TRPM1: variants seen among roughly 807,000 people sequenced by gnomAD.
TRPM1 encodes the protein TRPM1-203 APA Isoform, Intron 10.
Under a neutral mutation model 149.4 loss-of-function variants are expected in TRPM1, and 113 were observed. The observed-to-expected ratio is 0.76, with a 90% confidence interval of 0.65 to 0.88. TRPM1 has a LOEUF of 0.88. Among genes scored for constraint, TRPM1 ranks in the 40% least tolerant of loss-of-function variants. The probability of loss-of-function intolerance (pLI) is 0.00; values close to 1 mark genes in which losing one functional copy is unlikely to be tolerated. For missense variants in TRPM1, 1,976 were observed against 2,038.7 expected (o/e 0.97, Z 0.59); for synonymous variants, 741 against 759.5 (o/e 0.98, Z 0.40).
At position 31,079,403 on chromosome 15, in the gene TRPM1, G is replaced by A. The variant is rs141045875; in HGVS notation, c.3+1950C>T. ...GAAGGAAGGAAACCTGGAAGGATCC[G>A]TTTCCAGGCTCACTCATGTGGTTGT... On this transcript the variant is annotated intron_variant, in intron 2 of 27. Coordinates refer to ENST00000256552, the MANE Select transcript of TRPM1 (RefSeq NM_001252024.2). 2.6e-4 allele frequency among the ~76,000 whole-genome samples: 40 copies of A among 152,336 alleles called. No individual in the cohort carries two copies. The East Asian group carries it at 7.1e-3, about 27-fold the overall frequency.
chr15:31,030,557 G>A (rs2033020392), intron 23 of TRPM1, among the ~76,000 whole-genome samples: 1 of 152,204 alleles, frequency 6.6e-6, no homozygotes, highest in Non-Finnish European at 1.5e-5. Flanking sequence ...TATGAAATGG[G>A]TAGCTATGTG....
At chr15:31,084,946 C>T (rs1354819264) in intron 1 of TRPM1, among the ~76,000 whole-genome samples, 1 of 151,780 alleles carries the variant, frequency 6.6e-6, no homozygotes, top group African/African-American at 2.4e-5. Context: ...GCCTCAGCCT[C>T]CCAAAGTGCT....
At chr15:31,003,974 A>G (rs2031886498) in intron 27 of TRPM1, among the ~76,000 whole-genome samples, 1 of 152,012 alleles carries the variant, frequency 6.6e-6, no homozygotes, top group South Asian at 2.1e-4. Context: ...AGTATGAATT[A>G]TTTCAATAGG....
chr15:31,157,408 C>T (rs780659644), intron 1 of TRPM1, among the ~76,000 whole-genome samples: 2 of 152,116 alleles, frequency 1.3e-5, no homozygotes, highest in Non-Finnish European at 2.9e-5. Flanking sequence ...CATTTTTGCA[C>T]ATTTCCTTGT....
At chr15:31,026,823 G>C in intron 26 of TRPM1, 92 bp downstream of exon 26, 1 of 1,344,662 alleles carries the variant, frequency 7.4e-7, no homozygotes, top group Non-Finnish European at 1.1e-6. Flanking sequence ...TTTCACACGA[G>C]CAAGTAGTTG....
At chr15:31,050,246 G>A (rs553475050) in intron 12 of TRPM1, among the ~76,000 whole-genome samples, 163 bp downstream of exon 12, 85 of 152,226 alleles carry the variant, frequency 5.6e-4, no homozygotes, top group African/African-American at 2.0e-3. Flanking sequence ...TCATTGCAGC[G>A]AATGTGCTGT....
chr15:31,025,563 T>C (rs2032695863), intron 27 of TRPM1, among the ~76,000 whole-genome samples: 1 of 152,224 alleles, frequency 6.6e-6, no homozygotes, highest in African/African-American at 2.4e-5. Flanking sequence ...GTACTGCGGA[T>C]GTGAAGGTGT....
intron 1 of TRPM1, among the ~76,000 whole-genome samples, chr15:31,116,961 T>C (rs1375359102): frequency 6.6e-6 from 1 of 152,092 alleles, no homozygotes; most frequent in African/African-American, 2.4e-5. Context: ...GAAAAGGCAG[T>C]GTGAAGAGAG....
chr15:31,109,901 G>C (rs751681583), intron 1 of TRPM1, among the ~76,000 whole-genome samples: 1 of 152,132 alleles, frequency 6.6e-6, no homozygotes, highest in Non-Finnish European at 1.5e-5. Context: ...GGACAATAAT[G>C]CTGGGGACAG....
At chr15:31,047,047 A>C in intron 15 of TRPM1, 64 bp downstream of exon 15, 1 of 1,611,392 alleles carries the variant, frequency 6.2e-7, no homozygotes, top group South Asian at 1.1e-5. Flanking sequence ...AGTTGTTGAA[A>C]AGCAAGCGAG....
intron 14 of TRPM1, 95 bp downstream of exon 14, chr15:31,047,794 G>T: frequency 9.9e-7 from 1 of 1,005,206 alleles, no homozygotes; most frequent in Non-Finnish European, 1.6e-6. Context: ...CCTGTGCCTG[G>T]AATAATAATA....
At chr15:31,136,595 G>A (rs976749678) in intron 1 of TRPM1, among the ~76,000 whole-genome samples, 10 of 152,176 alleles carry the variant, frequency 6.6e-5, no homozygotes, top group African/African-American at 2.4e-4. Flanking sequence ...GCCACCTTCA[G>A]TCTTCAATCA....
At chr15:31,143,289 A>G (rs1171092997) in intron 1 of TRPM1, among the ~76,000 whole-genome samples, 1 of 152,238 alleles carries the variant, frequency 6.6e-6, no homozygotes, top group Non-Finnish European at 1.5e-5. Flanking sequence ...GCAAGAATTA[A>G]TTACATGAAG....
chr15:31,128,311 G>A (rs934448911), intron 1 of TRPM1, among the ~76,000 whole-genome samples: 4 of 152,156 alleles, frequency 2.6e-5, no homozygotes, highest in African/African-American at 9.7e-5. Context: ...GTGCCCACCG[G>A]CTGCCGTGGA....
chr15:31,101,934 G>A (rs1050229468), upstream of TRPM1, among the ~76,000 whole-genome samples: 2 of 152,260 alleles, frequency 1.3e-5, no homozygotes, highest in African/African-American at 4.8e-5. Flanking sequence ...AGGTAGGGGA[G>A]CTAGAGCTTT....
intron 11 of TRPM1, among the ~76,000 whole-genome samples, chr15:31,051,304 G>A (rs546680119): frequency 2.0e-5 from 3 of 152,282 alleles, no homozygotes; most frequent in Admixed American, 6.5e-5. Flanking sequence ...TCCAGCTGGC[G>A]TCCTCTCTTG....
chr15:31,027,824 T>A (rs968218270), intron 25 of TRPM1, among the ~76,000 whole-genome samples: 2 of 152,230 alleles, frequency 1.3e-5, no homozygotes, highest in Non-Finnish European at 2.9e-5. Flanking sequence ...ATGGTCAACA[T>A]ACTCAACACA....
intron 1 of TRPM1, among the ~76,000 whole-genome samples, chr15:31,117,045 A>G (rs1048642558): frequency 6.6e-6 from 1 of 152,196 alleles, no homozygotes; most frequent in Non-Finnish European, 1.5e-5. Context: ...TTAAATAACT[A>G]CAATTAATAT....
Position 31,002,573 on chromosome 15 carries a change from A to C in TRPM1, c.4127T>G (p.Leu1376Ter). 1.2e-6 allele frequency: 2 copies of C among 1,614,026 alleles called. No individual in the cohort carries two copies. The highest frequency in any genetic ancestry group is 1.1e-5 in the South Asian group (1 of 91,070). The change falls in exon 28 of 28, where the codon TTA (leucine) becomes TGA (stop). Residue 1376 changes from leucine to a stop codon, truncating the protein, a stop_gained. Coordinates refer to ENST00000256552, the MANE Select transcript of TRPM1 (RefSeq NM_001252024.2). LOFTEE classifies it low-confidence loss of function (END_TRUNC). The part of the protein sequence containing the change: ...DDLKNAEESK[L>*]GPDIGISKED... ...CTTTGAAATCCCAATATCTGGACCT[A>C]ATTTTGACTCTTCAGCGTTCTTTAA... is the stretch of plus-strand genomic sequence containing the variant.
Sources: allele counts gnomAD v4.1 joint callset (sites outside exome capture counted in the v4.1 genomes callset), GRCh38; gene constraint gnomAD v4.1.1; transcripts MANE v1.5; gene names NCBI Gene and HGNC (gene_info 2026-07-23, HGNC 2026-07-21).